DLG1: variants seen among roughly 807,000 people sequenced by gnomAD.
DLG1 encodes discs large MAGUK scaffold protein 1.
A neutral mutation model predicts 123.4 loss-of-function variants in DLG1; 42 were observed. The observed-to-expected ratio is 0.34, with a 90% CI of 0.27 to 0.44. DLG1 has a LOEUF of 0.44. Among genes scored for constraint, DLG1 ranks in the 20% least tolerant of loss-of-function variants. The probability of loss-of-function intolerance (pLI) is 1.00; values close to 1 mark genes in which losing one functional copy is unlikely to be tolerated. For synonymous variants in DLG1, 317 were observed against 356.2 expected, an observed-to-expected ratio of 0.89 and a Z score of 1.24; for missense variants, 942 against 1,082.6, an observed-to-expected ratio of 0.87 and a Z score of 1.82.
At chr3:197,122,010 A>G (rs1776680832) in intron 11 of DLG1, among the ~76,000 whole-genome samples, 1 of 151,900 alleles carries the variant, frequency 6.6e-6, no homozygotes, top group South Asian at 2.1e-4. Flanking sequence ...TAGAGATGAA[A>G]TAACATTCTG....
chr3:197,269,156 T>A (rs1415334647), intron 4 of DLG1, among the ~76,000 whole-genome samples: 1 of 151,894 alleles, frequency 6.6e-6, no homozygotes, highest in Non-Finnish European at 1.5e-5. Context: ...AGTAACATAA[T>A]TGTTAATATT....
rs113672389 is a variant in DLG1, at chr3:197,099,386, T to C, written c.1546+5517A>G. Among the ~76,000 whole-genome samples, 563 of 152,286 alleles carry C rather than the reference T, an allele frequency of 3.7e-3. 3 individuals carry two copies. The highest frequency in any genetic ancestry group is 0.013 in the African/African-American group (540 of 41,562). ...TATTTTGACGGAAGAGTTTCATCCC[T>C]TTTTTCAGTTAAGTCATTTACACTC... On this transcript the variant is annotated intron_variant, in intron 14 of 24. Transcript: ENST00000667157.
chr3:197,279,990 T>C (rs1560134036), intron 4 of DLG1, among the ~76,000 whole-genome samples: 1 of 152,228 alleles, frequency 6.6e-6, no homozygotes, highest in South Asian at 2.1e-4. Flanking sequence ...TTTATTTGTG[T>C]TGGGAACATT....
At position 197,108,786 on chromosome 3, in the gene DLG1, G is replaced by A. The variant is rs564724730; in HGVS notation, c.1444-3781C>T. The stretch of plus-strand genomic sequence containing the variant: ...AAAGTGTCTCTCTTGTAGACCCTGT[G>A]TAGTTGGATTCTGTTTTCTAATCTA... On this transcript the variant is annotated intron_variant, in intron 13 of 24. Coordinates refer to ENST00000667157, the MANE Select transcript of DLG1 (RefSeq NM_001366207.1). Among the ~76,000 whole-genome samples, 14 of 152,216 alleles carry A rather than the reference G, an allele frequency of 9.2e-5. No individual in the cohort carries two copies. The East Asian group carries it at 2.5e-3, about 27-fold the overall frequency.
At chr3:197,284,446 A>G (rs564768943) in intron 3 of DLG1, among the ~76,000 whole-genome samples, 4 of 152,298 alleles carry the variant, frequency 2.6e-5, no homozygotes, top group African/African-American at 9.6e-5. Flanking sequence ...GTATAAAATG[A>G]TAGTCTTTCA....
rs9853101 is a variant in DLG1, at chr3:197,253,481, G to A, written c.318+29198C>T. On this transcript the variant is annotated intron_variant, in intron 4 of 24. Coordinates refer to ENST00000667157, the MANE Select transcript of DLG1 (RefSeq NM_001366207.1). ...AAATCATACAGCTACTCTGGAAAGC[G>A]GTTTAGCAGTTTCTTTAAAAAAACA... Among the ~76,000 whole-genome samples the A allele has an allele frequency of 9.8e-3, 1,486 of 152,174 alleles. 9 individuals are homozygous for A. The highest frequency in any genetic ancestry group is 0.027 in the Middle Eastern group (8 of 294).
intron 14 of DLG1, among the ~76,000 whole-genome samples, chr3:197,098,975 A>G (rs967215825): frequency 1.3e-5 from 2 of 152,172 alleles, no homozygotes; most frequent in African/African-American, 4.8e-5. Flanking sequence ...TTTTGTTTCA[A>G]TCAATTGATA....
Position 197,102,165 on chromosome 3 carries a change from C to T in DLG1, c.1546+2738G>A, listed in dbSNP as rs1231502665. ...CTGAAAGGAGTTAGAAGATAATGTTCCTTCATATGTCTTGTAGAGATTATT... is the reference window on the plus strand; with the variant it reads ...CTGAAAGGAGTTAGAAGATAATGTTTCTTCATATGTCTTGTAGAGATTATT... On this transcript the variant is annotated intron_variant, in intron 14 of 24. Coordinates refer to ENST00000667157, the MANE Select transcript of DLG1 (RefSeq NM_001366207.1). 3.3e-5 allele frequency among the ~76,000 whole-genome samples: 5 copies of T among 152,280 alleles called. No individual in the cohort carries two copies. The South Asian group carries it at 6.2e-4, about 19-fold the overall frequency.
intron 5 of DLG1, among the ~76,000 whole-genome samples, chr3:197,165,750 A>G (rs572276807): frequency 1.3e-5 from 2 of 152,244 alleles, no homozygotes; most frequent in South Asian, 2.1e-4. Context: ...ATGCATAAGA[A>G]AAGCGTGGTG....
intron 10 of DLG1, among the ~76,000 whole-genome samples, chr3:197,135,498 T>G (rs6809643): frequency 0.96 from 145,502 of 152,260 alleles, 69,578 homozygotes; most frequent in East Asian, 1. Flanking sequence ...GTTTCCTGAG[T>G]CTGGTGAGTC....
At chr3:197,263,524 C>T (rs1177294955) in intron 4 of DLG1, among the ~76,000 whole-genome samples, 2 of 152,196 alleles carry the variant, frequency 1.3e-5, no homozygotes, top group African/African-American at 4.8e-5. Flanking sequence ...TGGTAGCTCA[C>T]ACCTGTAATC....
chr3:197,251,141 T>C (rs1306422459), intron 4 of DLG1, among the ~76,000 whole-genome samples: 3 of 151,540 alleles, frequency 2.0e-5, no homozygotes, highest in Non-Finnish European at 2.9e-5. Context: ...ACCCCAGCAT[T>C]TGGGAGGCCG....
In DLG1 at chr3:197,139,981, C is replaced by T. The variant is rs986039430; in HGVS notation, c.713+159G>A. On this transcript the variant is annotated intron_variant, in intron 8 of 24. Coordinates refer to ENST00000667157, the MANE Select transcript of DLG1 (RefSeq NM_001366207.1). ...GAAAACAGGAACACAATGCTTAGAG[C>T]ATAATTATCTCATTCATTGACTTGA... Among the ~76,000 whole-genome samples, 10 of 152,270 alleles carry T rather than the reference C, an allele frequency of 6.6e-5. No individual in the cohort carries two copies. In the East Asian group the frequency reaches 1.9e-3, roughly 29 times the overall value.
chr3:197,211,929 T>C (rs540101803), intron 4 of DLG1, among the ~76,000 whole-genome samples: 2 of 146,740 alleles, frequency 1.4e-5, no homozygotes, highest in East Asian at 3.9e-4. Flanking sequence ...AACACGATCA[T>C]GTCTTTTGAG....
chr3:197,272,776 A>G (rs1052928023), intron 4 of DLG1, among the ~76,000 whole-genome samples: 11 of 152,356 alleles, frequency 7.2e-5, no homozygotes, highest in African/African-American at 2.4e-4. Flanking sequence ...ATGCAATTTA[A>G]AAGAACGCAA....
chr3:197,107,126 T>C (rs572903794), intron 13 of DLG1, among the ~76,000 whole-genome samples: 154 of 152,296 alleles, frequency 1.0e-3, no homozygotes, highest in African/African-American at 3.5e-3. Flanking sequence ...ACGGGATATA[T>C]AATATGTAGC....
chr3:197,233,366 T>A (rs919060905), intron 4 of DLG1, among the ~76,000 whole-genome samples: 15 of 152,292 alleles, frequency 9.8e-5, no homozygotes, highest in African/African-American at 3.4e-4. Context: ...TTCAACTACT[T>A]CTATTGGAAG....
intron 5 of DLG1, among the ~76,000 whole-genome samples, chr3:197,179,668 A>G (rs529138019): frequency 1.3e-5 from 2 of 152,288 alleles, no homozygotes; most frequent in South Asian, 2.1e-4. Context: ...ATGCTGTCCT[A>G]AGTACTTTAT....
chr3:197,294,259 C>T (rs1161715099), intron 3 of DLG1, among the ~76,000 whole-genome samples: 1 of 152,100 alleles, frequency 6.6e-6, no homozygotes, highest in Admixed American at 6.5e-5. Flanking sequence ...GTACCACATC[C>T]TATAGAACAT....
Sources: allele counts gnomAD v4.1 joint callset (sites outside exome capture counted in the v4.1 genomes callset), GRCh38; gene constraint gnomAD v4.1.1; transcripts MANE v1.5; gene names NCBI Gene and HGNC (gene_info 2026-07-23, HGNC 2026-07-21).